ROBO2: variants seen among roughly 807,000 people sequenced by gnomAD.
The protein encoded by ROBO2 is roundabout guidance receptor 2, also known as roundabout homolog 2.
In ROBO2, 53 loss-of-function variants were observed where a neutral mutation model predicts 160.8. The ratio of observed to expected loss-of-function variants is 0.33; its 90% CI spans 0.26 to 0.41. The LOEUF (loss-of-function observed/expected upper bound fraction) is 0.41, where lower values mean the gene tolerates loss of function less well. ROBO2 is among the 10% of genes least tolerant of loss of function. The probability of loss-of-function intolerance (pLI) is 1.00; values close to 1 mark genes in which losing one functional copy is unlikely to be tolerated. For synonymous variants in ROBO2, 664 were observed against 611.7 expected (o/e 1.09, Z -1.26); for missense variants, 1,577 against 1,722.4 (o/e 0.92, Z 1.49).
intron 2 of ROBO2, among the ~76,000 whole-genome samples, chr3:76,556,407 T>C (rs2083793237): frequency 6.6e-6 from 1 of 152,146 alleles, no homozygotes; most frequent in Non-Finnish European, 1.5e-5. Context: ...TACTAATATA[T>C]TGCTCTGCAT....
intron 4 of ROBO2, among the ~76,000 whole-genome samples, chr3:77,484,340 A>G (rs1367192727): frequency 1.3e-5 from 2 of 152,054 alleles, no homozygotes; most frequent in Non-Finnish European, 2.9e-5. Flanking sequence ...ATTTCAGAAA[A>G]CTGCTGTCCA....
At chr3:77,220,501 A>G (rs748307808) in intron 2 of ROBO2, among the ~76,000 whole-genome samples, 6 of 151,962 alleles carry the variant, frequency 3.9e-5, no homozygotes, top group Non-Finnish European at 7.4e-5. Context: ...GTCATTTTTT[A>G]TACGAATAAA....
At chr3:76,452,326 C>T (rs1196394211) in intron 2 of ROBO2, among the ~76,000 whole-genome samples, 1 of 152,042 alleles carries the variant, frequency 6.6e-6, no homozygotes, top group East Asian at 1.9e-4. Flanking sequence ...ATCCCTCCCC[C>T]TTCCCCCCAC....
intron 2 of ROBO2, among the ~76,000 whole-genome samples, chr3:76,098,009 A>AT (rs111761310): frequency 0.05 from 7,606 of 152,050 alleles, 411 homozygotes; most frequent in African/African-American, 0.13. Flanking sequence ...TTCTCCATTT[A>AT]TTTTTTTGCC....
chr3:76,001,247 A>G (rs2065878826), intron 2 of ROBO2, among the ~76,000 whole-genome samples: 1 of 152,214 alleles, frequency 6.6e-6, no homozygotes, highest in Non-Finnish European at 1.5e-5. Flanking sequence ...AATTTTAGAT[A>G]TGATCATCTC....
chr3:77,215,967 G>T (rs1260977540), intron 2 of ROBO2, among the ~76,000 whole-genome samples: 1 of 152,150 alleles, frequency 6.6e-6, no homozygotes, highest in Non-Finnish European at 1.5e-5. Context: ...GTACCCAGCC[G>T]TGTGAGGTGT....
At chr3:76,326,966 A>T (rs938475406) in intron 2 of ROBO2, among the ~76,000 whole-genome samples, 1 of 152,006 alleles carries the variant, frequency 6.6e-6, no homozygotes. Flanking sequence ...ATTATCTTAC[A>T]TACATAATTT....
chr3:75,924,681 C>CTTTTTTTTTTTTTTTTTTTTT (rs60599175), intron 1 of ROBO2, among the ~76,000 whole-genome samples: 1 of 66,014 alleles, frequency 1.5e-5, no homozygotes, highest in Non-Finnish European at 2.5e-5. Context: ...ATTTTCTTTT[C>CTTTTTTTTTTTTTTTTTTTTT]TTTTTTTTTT....
chr3:77,386,747 C>T (rs1162400911), intron 2 of ROBO2, among the ~76,000 whole-genome samples: 75 of 151,458 alleles, frequency 5.0e-4, no homozygotes, highest in South Asian at 2.1e-4. Context: ...GGATTACAGG[C>T]GCCCACCACC....
chr3:77,248,471 CAGATGGCA>C (rs1213896067), intron 2 of ROBO2, among the ~76,000 whole-genome samples: 1 of 152,166 alleles, frequency 6.6e-6, no homozygotes, highest in African/African-American at 2.4e-5. Flanking sequence ...AAGCCATCTG[CAGATGGCA>C]AAGCTCAAAG....
At chr3:77,579,713 A>C (rs1371532064) in intron 15 of ROBO2, among the ~76,000 whole-genome samples, 1 of 152,186 alleles carries the variant, frequency 6.6e-6, no homozygotes, top group East Asian at 1.9e-4. Context: ...AACATGGCAT[A>C]GTTTCAGCTT....
chr3:77,200,392 T>G (rs1426569741), intron 2 of ROBO2, among the ~76,000 whole-genome samples: 2 of 145,366 alleles, frequency 1.4e-5, no homozygotes, highest in Non-Finnish European at 3.0e-5. Context: ...TTACTTTTGG[T>G]AGGTGTCGTT....
intron 5 of ROBO2, among the ~76,000 whole-genome samples, chr3:77,517,616 T>G (rs568253623): frequency 1.3e-5 from 2 of 151,544 alleles, no homozygotes; most frequent in Non-Finnish European, 3.0e-5. Flanking sequence ...TCGTCCCTTC[T>G]GATTTGCAGT....
intron 2 of ROBO2, among the ~76,000 whole-genome samples, chr3:76,460,818 A>C (rs1038499377): frequency 1.3e-5 from 2 of 152,222 alleles, no homozygotes; most frequent in African/African-American, 2.4e-5. Flanking sequence ...TTAAATCATT[A>C]AATTCTGGAA....
At chr3:77,362,023 T>A (rs1470208432) in intron 2 of ROBO2, among the ~76,000 whole-genome samples, 1 of 152,034 alleles carries the variant, frequency 6.6e-6, no homozygotes, top group East Asian at 1.9e-4. Flanking sequence ...AACCAAATAA[T>A]CTCACAAATA....
intron 2 of ROBO2, among the ~76,000 whole-genome samples, chr3:76,023,205 C>T (rs573631690): frequency 1.5e-4 from 22 of 151,724 alleles, no homozygotes; most frequent in Admixed American, 2.6e-4. Flanking sequence ...TTCATATCAG[C>T]GACAAGTGTG....
At chr3:77,007,084 A>G (rs2061620032) in intron 2 of ROBO2, among the ~76,000 whole-genome samples, 1 of 152,156 alleles carries the variant, frequency 6.6e-6, no homozygotes. Flanking sequence ...CTCTTATGAG[A>G]GGAAAGAATA....
Position 77,579,821 on chromosome 3 carries a change from G to T in ROBO2, c.2329-126G>T, listed in dbSNP as rs192372620. The T allele has an allele frequency of 1.9e-4, 166 of 861,206 alleles. No individual in the cohort carries two copies. In the East Asian group the frequency reaches 2.9e-3, roughly 15 times the overall value. 53.3% of individuals were successfully genotyped at this position (861,206 alleles called of 1,614,324 possible). On this transcript the variant is annotated intron_variant, in intron 15 of 25. Coordinates refer to ENST00000461745, the Ensembl canonical transcript of ROBO2. ...GGTTGGGCTTTAGAAGATGTCATTT[G>T]CAAAACTTCTATAAGCCTAGAAGAT... is the stretch of plus-strand genomic sequence containing the variant.
intron 2 of ROBO2, among the ~76,000 whole-genome samples, chr3:77,331,483 T>C (rs2065956735): frequency 6.6e-6 from 1 of 152,208 alleles, no homozygotes; most frequent in Non-Finnish European, 1.5e-5. Flanking sequence ...TATCAGATTT[T>C]ATCAGTAATC....
Sources: allele counts gnomAD v4.1 joint callset (sites outside exome capture counted in the v4.1 genomes callset), GRCh38; gene constraint gnomAD v4.1.1; transcripts MANE v1.5; gene names NCBI Gene and HGNC (gene_info 2026-07-23, HGNC 2026-07-21).